The following POR variants were observed in gnomAD, a reference collection of about 807,000 sequenced individuals.
POR encodes the protein NADPH--cytochrome P450 reductase.
In POR, 56 loss-of-function variants were observed where a neutral mutation model predicts 84.0. The observed-to-expected ratio is 0.67, with a 90% confidence interval of 0.54 to 0.83. POR has a LOEUF of 0.83. Ranked by LOEUF, POR falls within the 40% of genes least tolerant of loss-of-function variation. The pLI is 0.00. For synonymous variants in POR, 414 were observed against 400.5 expected (o/e 1.03, Z -0.40); for missense variants, 938 against 944.3 (o/e 0.99, Z 0.09).
Position 75,980,495 on chromosome 7 carries a change from C to T in POR, c.516+7C>T. 6.2e-7 allele frequency: 1 copy of T among 1,612,828 alleles called. No individual in the cohort carries two copies. Among genetic ancestry groups the T allele is most frequent in the Non-Finnish European group, 8.5e-7 (1 of 1,179,822 alleles). On this transcript the variant is annotated splice_region_variant and intron_variant, in intron 5 of 15. Coordinates refer to ENST00000461988, the MANE Select transcript of POR (RefSeq NM_000941.3). Reference sequence around the variant, plus strand: ...CTCTGGGGTCAAGTTCGCGGTGAGTCACCCAGAGACTGCTATGGGCTCCCG... The same window carrying T: ...CTCTGGGGTCAAGTTCGCGGTGAGTTACCCAGAGACTGCTATGGGCTCCCG...
At chr7:75,983,914 T>G (rs1789238463) in intron 10 of POR, 58 bp downstream of exon 10, 2 of 1,361,670 alleles carry the variant, frequency 1.5e-6, no homozygotes, top group African/African-American at 1.4e-5. Context: ...ATTGGGCCTG[T>G]AGGAAGGCCC....
At chr7:75,952,731 A>G (rs1243459023) in intron 1 of POR, among the ~76,000 whole-genome samples, 89 of 139,462 alleles carry the variant, frequency 6.4e-4, no homozygotes, top group African/African-American at 2.2e-3. Context: ...ATGGGCGGCC[A>G]GGCAGAGACG....
At chr7:75,954,921 TG>T (rs1385483594) in intron 2 of POR, among the ~76,000 whole-genome samples, 1 of 152,168 alleles carries the variant, frequency 6.6e-6, no homozygotes, top group Non-Finnish European at 1.5e-5. Flanking sequence ...TTGGCCAGGC[TG>T]GTCTCAAACT....
At chr7:75,986,098 G>C in intron 14 of POR, 30 bp downstream of exon 14, 1 of 1,574,448 alleles carries the variant, frequency 6.4e-7, no homozygotes, top group Non-Finnish European at 8.6e-7. Flanking sequence ...ACGAAGGTGG[G>C]CATGAGGCTG....
chr7:75,949,306 T>A (rs1787313544), intron 1 of POR, among the ~76,000 whole-genome samples: 2 of 151,540 alleles, frequency 1.3e-5, no homozygotes, highest in African/African-American at 2.4e-5. Context: ...CAGGCACGCG[T>A]CACCATGCCT....
intron 2 of POR, among the ~76,000 whole-genome samples, chr7:75,964,022 T>C (rs554830701): frequency 6.6e-6 from 1 of 151,080 alleles, no homozygotes; most frequent in East Asian, 1.9e-4. Context: ...TTTTTTGAGA[T>C]GGAGTCTTAC....
chr7:75,964,918 C>T (rs756723326), intron 2 of POR, among the ~76,000 whole-genome samples: 120 of 152,136 alleles, frequency 7.9e-4, no homozygotes, highest in Non-Finnish European at 1.3e-3. Context: ...GACCTGTCAT[C>T]GCAGCACTTT....
In POR at chr7:75,982,187, C is replaced by T. The variant is rs782799370; in HGVS notation, c.732-37C>T. The stretch of plus-strand genomic sequence containing the variant: ...CCCTCCCTCTCGGGACTGACCCCTG[C>T]CGCTTCCCGGCCTCACCCTTGGTCT... On this transcript the variant is annotated intron_variant, in intron 7 of 15. Transcript: ENST00000461988. 6.5e-6 allele frequency: 10 copies of T among 1,544,328 alleles called. No homozygotes were observed. The South Asian group carries it at 1.0e-4, about 16-fold the overall frequency.
chr7:75,927,313 C>G (rs1807177250), intron 1 of POR, among the ~76,000 whole-genome samples: 1 of 152,016 alleles, frequency 6.6e-6, no homozygotes, highest in Admixed American at 6.6e-5. Flanking sequence ...TGAGACCAAC[C>G]TGGGCAACAT....
At position 75,981,045 on chromosome 7, in the gene POR, C is replaced by T; in HGVS notation, c.517-3C>T. ...CCTCAGAGCGGCCCCTGTGTCCACG[C>T]AGGTGTTTGGTCTTGGGAACAAGAC... On this transcript the variant is annotated splice_polypyrimidine_tract_variant and splice_region_variant and intron_variant, in intron 5 of 15. Transcript: ENST00000461988. 6.4e-7 allele frequency: 1 copy of T among 1,569,444 alleles called. No individual in the cohort carries two copies.
At chr7:75,974,611 C>T (rs1286828285) in intron 3 of POR, among the ~76,000 whole-genome samples, 21 of 145,820 alleles carry the variant, frequency 1.4e-4, no homozygotes, top group Admixed American at 1.3e-3. Flanking sequence ...ACTGCAATCT[C>T]CACCTCCCGG....
In POR at chr7:75,971,873, G is replaced by C. The variant is rs554946204; in HGVS notation, c.189-540G>C. 6.6e-5 allele frequency among the ~76,000 whole-genome samples: 10 copies of C among 152,258 alleles called. No individual in the cohort carries two copies. In the South Asian group the frequency reaches 1.7e-3, roughly 25 times the overall value. ...TTAGGCATCAAGCTTGGTTTGTGGA[G>C]GGGAGTGGCAGGTGACGCTGGAGAC... is the stretch of plus-strand genomic sequence containing the variant. On this transcript the variant is annotated intron_variant, in intron 2 of 15. Coordinates refer to ENST00000461988, the MANE Select transcript of POR (RefSeq NM_000941.3).
Position 75,944,716 on chromosome 7 carries a change from A to G in POR, c.-4-9273A>G, listed in dbSNP as rs1279855440. Among the ~76,000 whole-genome samples the G allele has an allele frequency of 2.6e-5, 4 of 152,310 alleles. No homozygotes were observed. The East Asian group carries it at 7.7e-4, about 29-fold the overall frequency. On this transcript the variant is annotated intron_variant, in intron 1 of 15. Coordinates refer to ENST00000461988, the MANE Select transcript of POR (RefSeq NM_000941.3). Reference sequence around the variant, plus strand: ...GAATTAAGATATAGAGAAGAATGAAACAGATGTCTTAGAACCGAAATATAC... The same window carrying G: ...GAATTAAGATATAGAGAAGAATGAAGCAGATGTCTTAGAACCGAAATATAC...
chr7:75,984,930 A>C lies in POR; in HGVS notation c.1220A>C (p.Lys407Thr). ...CCCTCGGAGCAGGAGCTGCTGCGCA[A>C]GATGGCCTCCTCCTCCGGCGAGGGC... The change falls in exon 11 of 16, where the codon AAG (lysine) becomes ACG (threonine). Residue 407 changes from lysine to threonine, a missense_variant. Physicochemically the swap from Lys to Thr is moderately conservative, Grantham distance 78. Transcript: ENST00000461988. 3.1e-6 allele frequency: 5 copies of C among 1,602,262 alleles called. No individual in the cohort carries two copies. Among genetic ancestry groups the C allele is most frequent in the Non-Finnish European group, 4.3e-6 (5 of 1,171,900 alleles).
chr7:75,978,513 C>T (rs1468405759), intron 3 of POR, among the ~76,000 whole-genome samples: 1 of 152,042 alleles, frequency 6.6e-6, no homozygotes, highest in Non-Finnish European at 1.5e-5. Flanking sequence ...CTTGAGCATC[C>T]TTGGATTTTT....
chr7:75,957,231 A>G (rs1333562467), intron 2 of POR, among the ~76,000 whole-genome samples: 1 of 152,106 alleles, frequency 6.6e-6, no homozygotes, highest in Non-Finnish European at 1.5e-5. Context: ...GGATCAGACC[A>G]AGTCCTGCAG....
In POR at chr7:75,978,689, A is replaced by G. The variant is rs570997527; in HGVS notation, c.238-762A>G. On this transcript the variant is annotated intron_variant, in intron 3 of 15. Transcript: ENST00000461988. ...CAGGCATGTGCCACCATGCCCGGCTAATTTTGTATTTTTAGTAGAGACAGG... is the reference window on the plus strand; with the variant it reads ...CAGGCATGTGCCACCATGCCCGGCTGATTTTGTATTTTTAGTAGAGACAGG... Among the ~76,000 whole-genome samples the G allele has an allele frequency of 9.9e-4, 150 of 151,612 alleles. 1 individual carries two copies. Among genetic ancestry groups the G allele is most frequent in the Middle Eastern group, 3.4e-3 (1 of 292 alleles).
In POR at chr7:75,983,401, G is replaced by A. The variant is rs1408735174; in HGVS notation, c.831-119G>A. On this transcript the variant is annotated intron_variant, in intron 8 of 15. Transcript: ENST00000461988. ...GGAGAGCCCTTGATGTAACCGGTGAGATTTCCTCATGGAGATCTCTGAGAT... is the reference window on the plus strand; with the variant it reads ...GGAGAGCCCTTGATGTAACCGGTGAAATTTCCTCATGGAGATCTCTGAGAT... 1.5e-5 allele frequency: 11 copies of A among 715,134 alleles called. No homozygotes were observed. In the East Asian group the frequency reaches 2.8e-4, roughly 18 times the overall value. The allele number at this position is 715,134 out of a possible 1,614,324, so 44.3% of individuals were successfully genotyped here.
chr7:75,982,266 G>A lies in POR; in HGVS notation c.774G>A (p.Ala258=), dbSNP rs371387720. Reference sequence around the variant, plus strand: ...TTGTGGTCCACACCGACATAGATGCGGCCAAGGTGTACATGGGGGAGATGG... The same window carrying A: ...TTGTGGTCCACACCGACATAGATGCAGCCAAGGTGTACATGGGGGAGATGG... Residue 258 remains alanine, a synonymous_variant, in exon 8 of 16, where the codon GCG becomes GCA. Coordinates refer to ENST00000461988, the MANE Select transcript of POR (RefSeq NM_000941.3). 22 of 1,612,786 alleles carry A rather than the reference G, an allele frequency of 1.4e-5. No homozygotes were observed. The highest frequency in any genetic ancestry group is 6.7e-5 in the African/African-American group (5 of 74,930).
Sources: allele counts gnomAD v4.1 joint callset (sites outside exome capture counted in the v4.1 genomes callset), GRCh38; gene constraint gnomAD v4.1.1; transcripts MANE v1.5; gene names NCBI Gene and HGNC (gene_info 2026-07-23, HGNC 2026-07-21).